GRM5: variants seen among roughly 807,000 people sequenced by gnomAD.
GRM5 encodes metabotropic glutamate receptor 5.
In GRM5, 19 loss-of-function variants were observed where a neutral mutation model predicts 83.1. The observed-to-expected ratio is 0.23, with a 90% confidence interval of 0.16 to 0.34. The LOEUF (loss-of-function observed/expected upper bound fraction) is 0.34. Ranked by LOEUF, GRM5 falls within the 10% of genes least tolerant of loss-of-function variation. The pLI, the probability that GRM5 is intolerant of heterozygous loss-of-function variation, is 1.00. For synonymous variants in GRM5, 675 were observed against 633.6 expected, an observed-to-expected ratio of 1.07 and a Z score of -0.98; for missense variants, 1,160 against 1,588.3, an observed-to-expected ratio of 0.73 and a Z score of 4.58.
chr11:88,711,920 C>T (rs1941290474), intron 3 of GRM5, among the ~76,000 whole-genome samples: 1 of 152,046 alleles, frequency 6.6e-6, no homozygotes, highest in African/African-American at 2.4e-5. Flanking sequence ...AATCTACACT[C>T]TCCCTGACCA....
intron 3 of GRM5, among the ~76,000 whole-genome samples, chr11:88,822,043 T>A (rs937878667): frequency 6.6e-6 from 1 of 152,210 alleles, no homozygotes; most frequent in Non-Finnish European, 1.5e-5. Flanking sequence ...TGAGAAGAGA[T>A]GATTACTTTC....
chr11:89,038,459 A>G (rs1405956397), intron 2 of GRM5, among the ~76,000 whole-genome samples: 1 of 152,170 alleles, frequency 6.6e-6, no homozygotes, highest in Non-Finnish European at 1.5e-5. Context: ...GCTTCCTGCT[A>G]TTATTGGCAT....
At chr11:88,733,630 T>G (rs1457716806) in intron 3 of GRM5, among the ~76,000 whole-genome samples, 1 of 151,976 alleles carries the variant, frequency 6.6e-6, no homozygotes. Flanking sequence ...CATTAACAAG[T>G]GAAAATTAAG....
intron 5 of GRM5, among the ~76,000 whole-genome samples, chr11:88,603,013 CA>C (rs935521034): frequency 2.6e-5 from 4 of 152,142 alleles, no homozygotes; most frequent in Non-Finnish European, 2.9e-5. Context: ...ATGTTATACT[CA>C]AACCTAGTAG....
chr11:88,916,252 T>C (rs749179684), intron 2 of GRM5, among the ~76,000 whole-genome samples: 3 of 151,984 alleles, frequency 2.0e-5, no homozygotes, highest in Admixed American at 6.6e-5. Flanking sequence ...AGGAAATAGA[T>C]ATGAAAGAAG....
At chr11:88,927,369 T>C (rs1297838361) in intron 2 of GRM5, among the ~76,000 whole-genome samples, 1 of 152,134 alleles carries the variant, frequency 6.6e-6, no homozygotes, top group Non-Finnish European at 1.5e-5. Context: ...ATCATTATTT[T>C]GAATTTGCAA....
intron 2 of GRM5, among the ~76,000 whole-genome samples, chr11:88,966,557 A>G (rs1938970052): frequency 6.6e-6 from 1 of 152,068 alleles, no homozygotes; most frequent in African/African-American, 2.4e-5. Flanking sequence ...ATTGTGAGCA[A>G]CTCTATATCC....
At chr11:88,756,814 T>C (rs2135433519) in intron 3 of GRM5, among the ~76,000 whole-genome samples, 1 of 152,252 alleles carries the variant, frequency 6.6e-6, no homozygotes, top group East Asian at 1.9e-4. Flanking sequence ...TCAAGTAGGA[T>C]AACCTATGTA....
chr11:88,642,006 C>G (rs571534913), intron 4 of GRM5, among the ~76,000 whole-genome samples: 1 of 152,296 alleles, frequency 6.6e-6, no homozygotes, highest in South Asian at 2.1e-4. Flanking sequence ...TTCCTATCCA[C>G]TCTTCCCTGG....
intron 3 of GRM5, among the ~76,000 whole-genome samples, chr11:88,716,227 G>T (rs1499188): frequency 0.22 from 32,821 of 151,808 alleles, 3,730 homozygotes; most frequent in Middle Eastern, 0.28. Context: ...TGATAGGAAA[G>T]AGCATGGATT....
At chr11:89,044,558 G>C (rs1040210538) in intron 2 of GRM5, among the ~76,000 whole-genome samples, 1 of 152,046 alleles carries the variant, frequency 6.6e-6, no homozygotes, top group Admixed American at 6.6e-5. Flanking sequence ...AAAACACATA[G>C]GCAATTAGGA....
At chr11:88,984,984 A>G (rs1332213212) in intron 2 of GRM5, 4 of 523,308 alleles carry the variant, frequency 7.6e-6, no homozygotes, top group Middle Eastern at 3.1e-4. Flanking sequence ...TGTATCATCA[A>G]TCTGGTACTC....
intron 2 of GRM5, among the ~76,000 whole-genome samples, chr11:88,995,871 T>C (rs1365269653): frequency 6.6e-6 from 1 of 152,146 alleles, no homozygotes; most frequent in Admixed American, 6.6e-5. Flanking sequence ...ATTGGGGCTC[T>C]GGGCATGGAA....
At chr11:88,608,108 G>A (rs775907249) in intron 4 of GRM5, among the ~76,000 whole-genome samples, 8 of 152,160 alleles carry the variant, frequency 5.3e-5, no homozygotes, top group Non-Finnish European at 4.4e-5. Flanking sequence ...TCCACCCTAG[G>A]CAGATTTCTG....
chr11:88,892,259 A>G (rs555826225), intron 2 of GRM5, among the ~76,000 whole-genome samples: 1 of 151,634 alleles, frequency 6.6e-6, no homozygotes, highest in Non-Finnish European at 1.5e-5. Flanking sequence ...AGTCAATCTC[A>G]GCTTGCAGAG....
intron 2 of GRM5, among the ~76,000 whole-genome samples, chr11:88,926,737 T>C (rs1332252446): frequency 6.6e-6 from 1 of 152,158 alleles, no homozygotes. Flanking sequence ...AATCTATTTC[T>C]TAAATGACAT....
At chr11:88,696,245 T>C (rs1173204942) in intron 3 of GRM5, among the ~76,000 whole-genome samples, 1 of 152,106 alleles carries the variant, frequency 6.6e-6, no homozygotes, top group Non-Finnish European at 1.5e-5. Flanking sequence ...TCTGCTGGTT[T>C]CTGTCTGTGG....
At chr11:88,636,766 A>T (rs993615017) in intron 4 of GRM5, among the ~76,000 whole-genome samples, 7 of 152,196 alleles carry the variant, frequency 4.6e-5, no homozygotes, top group African/African-American at 1.2e-4. Context: ...AGCTTTCTAC[A>T]TATGGCTAGC....
chr11:88,517,498 A>G (rs11020172), intron 9 of GRM5, among the ~76,000 whole-genome samples: 3,800 of 152,266 alleles, frequency 0.025, 63 homozygotes, highest in Non-Finnish European at 0.037. Flanking sequence ...CTCATTAAAC[A>G]TGGGATTAGA....
Sources: gnomAD v4.1 joint callset for allele counts (sites outside exome capture counted in the v4.1 genomes callset) on GRCh38, gnomAD v4.1.1 for gene constraint, MANE v1.5 for transcripts, NCBI Gene and HGNC (gene_info 2026-07-23, HGNC 2026-07-21) for gene names.